Variants in CSMD1 observed in about 807,000 individuals in gnomAD.
CSMD1 encodes the protein CUB and sushi domain-containing protein 1.
CSMD1 carries 213 observed loss-of-function variants against 417.5 expected under a neutral mutation model. The ratio of observed to expected loss-of-function variants is 0.51; its 90% CI spans 0.46 to 0.57. The LOEUF is 0.57. Among genes scored for constraint, CSMD1 ranks in the 20% least tolerant of loss-of-function variants. The pLI is 0.00. For synonymous variants in CSMD1, 2,862 were observed against 1,736.8 expected (o/e 1.65, Z -16.11); for missense variants, 6,923 against 4,529.7 (o/e 1.53, Z -15.17).
chr8:4,287,952 T>A (rs1033191990), intron 3 of CSMD1, among the ~76,000 whole-genome samples: 1 of 152,138 alleles, frequency 6.6e-6, no homozygotes, highest in African/African-American at 2.4e-5. Flanking sequence ...TTTCTCCAGA[T>A]AGCAAATCCC....
At chr8:4,400,528 T>TCTATGC (rs1804574851) in intron 3 of CSMD1, among the ~76,000 whole-genome samples, 1 of 152,246 alleles carries the variant, frequency 6.6e-6, no homozygotes, top group Non-Finnish European at 1.5e-5. Flanking sequence ...AAAATTGCCC[T>TCTATGC]CTATGCCTTT....
chr8:3,483,435 A>T (rs1817853785), intron 11 of CSMD1, among the ~76,000 whole-genome samples: 2 of 152,100 alleles, frequency 1.3e-5, no homozygotes, highest in Non-Finnish European at 2.9e-5. Flanking sequence ...CTCAACCAAG[A>T]TAAAACAGAC....
intron 7 of CSMD1, among the ~76,000 whole-genome samples, chr8:3,655,277 A>G (rs1798044923): frequency 6.6e-6 from 1 of 152,212 alleles, no homozygotes; most frequent in Non-Finnish European, 1.5e-5. Context: ...ACCCATGAAC[A>G]TGAAGGCTAT....
chr8:3,810,779 A>T (rs566083981), intron 5 of CSMD1, among the ~76,000 whole-genome samples: 1 of 152,146 alleles, frequency 6.6e-6, no homozygotes, highest in Non-Finnish European at 1.5e-5. Flanking sequence ...GTGTTGCATC[A>T]CTGGGTCCGG....
At chr8:4,590,021 C>T (rs1257199887) in intron 2 of CSMD1, among the ~76,000 whole-genome samples, 1 of 152,184 alleles carries the variant, frequency 6.6e-6, no homozygotes. Flanking sequence ...GCTCCAAATG[C>T]TTGTCTATGC....
intron 1 of CSMD1, among the ~76,000 whole-genome samples, chr8:4,802,350 CGCGTGTGTGT>C (rs1489104538): frequency 7.2e-6 from 1 of 138,540 alleles, no homozygotes; most frequent in Non-Finnish European, 1.5e-5. Flanking sequence ...AGTGTGTGCG[CGCGTGTGTGT>C]GTGTGTGTGT....
At chr8:3,593,574 T>G (rs543715108) in intron 8 of CSMD1, among the ~76,000 whole-genome samples, 3 of 152,340 alleles carry the variant, frequency 2.0e-5, no homozygotes, top group African/African-American at 7.2e-5. Context: ...GATCTGACTT[T>G]TAACCTGCTT....
intron 3 of CSMD1, among the ~76,000 whole-genome samples, chr8:4,233,077 C>G (rs1224752617): frequency 1.3e-5 from 2 of 152,338 alleles, no homozygotes; most frequent in Non-Finnish European, 1.5e-5. Flanking sequence ...GCTCATTGTT[C>G]TGTGCACTGG....
At position 3,994,010 on chromosome 8, in the gene CSMD1, T is replaced by C. The variant is rs373429082; in HGVS notation, c.818+3893A>G. On this transcript the variant is annotated intron_variant, in intron 5 of 69. Transcript: ENST00000635120. ...CAAACTGCAAGGGGATGGGCGTGCC[T>C]GGCAGGGAGGGAGCCAGGATGGGGC... Among the ~76,000 whole-genome samples the C allele has an allele frequency of 4.7e-4, 71 of 152,202 alleles. 1 individual carries two copies. In the East Asian group the frequency reaches 7.4e-3, roughly 16 times the overall value.
chr8:3,401,893 G>A (rs536882406), intron 15 of CSMD1, among the ~76,000 whole-genome samples: 19 of 150,036 alleles, frequency 1.3e-4, no homozygotes, highest in South Asian at 8.4e-4. Context: ...TCACTTAGCT[G>A]ATAACAAAAA....
rs1184662206 is a variant in CSMD1, at chr8:3,772,434, T to C, written c.819-18392A>G. Among the ~76,000 whole-genome samples, 122 of 77,330 alleles carry C rather than the reference T, an allele frequency of 1.6e-3. 15 individuals carry two copies. Among genetic ancestry groups the C allele is most frequent in the Middle Eastern group, 6.2e-3 (1 of 162 alleles). 50.7% of individuals were successfully genotyped at this position (77,330 alleles called of 152,430 possible). A position where few individuals can be genotyped will look rare whatever the true frequency, so the allele number is the denominator to read the frequency against. On this transcript the variant is annotated intron_variant, in intron 5 of 69. Coordinates refer to ENST00000635120, the MANE Select transcript of CSMD1 (RefSeq NM_033225.6). ...ATATTTATATATACACATATATACA[T>C]ACATTTATATATACACATATATATA...
intron 9 of CSMD1, among the ~76,000 whole-genome samples, chr8:3,579,676 C>G (rs1388348500): frequency 6.6e-6 from 1 of 152,174 alleles, no homozygotes; most frequent in African/African-American, 2.4e-5. Flanking sequence ...CTTAGGTAGT[C>G]AGTAGCTGTC....
In CSMD1 at chr8:3,950,202, C is replaced by T. The variant is rs147246367; in HGVS notation, c.818+47701G>A. ...AGACCCTAGAGGCCACGATCCAATA[C>T]TGACTGTGAAGTTTCTCATCATGCA... On this transcript the variant is annotated intron_variant, in intron 5 of 69. Transcript: ENST00000635120. Among the ~76,000 whole-genome samples the T allele has an allele frequency of 1.3e-3, 192 of 152,294 alleles. 2 individuals are homozygous for T. The highest frequency in any genetic ancestry group is 4.2e-3 in the African/African-American group (175 of 41,574).
At chr8:4,132,364 T>G (rs957274628) in intron 3 of CSMD1, among the ~76,000 whole-genome samples, 6 of 152,182 alleles carry the variant, frequency 3.9e-5, no homozygotes, top group Non-Finnish European at 5.9e-5. Context: ...TCTTGTAGAA[T>G]ACATCTTGAC....
At chr8:4,901,355 T>C (rs546302328) in intron 1 of CSMD1, among the ~76,000 whole-genome samples, 2 of 152,342 alleles carry the variant, frequency 1.3e-5, no homozygotes, top group South Asian at 2.1e-4. Flanking sequence ...ATTAGAAGTG[T>C]AGTTATCTAT....
At chr8:4,425,623 G>A (rs146499088) in intron 2 of CSMD1, among the ~76,000 whole-genome samples, 338 of 152,144 alleles carry the variant, frequency 2.2e-3, no homozygotes, top group African/African-American at 7.3e-3. Context: ...TTCCATGAGG[G>A]CCCTTGCGAT....
In CSMD1 at chr8:4,143,822, G is replaced by C. The variant is rs80181859; in HGVS notation, c.416-111723C>G. ...AGCTGTTCCAGGGCCTAGTTACACAGTTTTCTGGGATTTAAGTACTTATTT... is the reference window on the plus strand; with the variant it reads ...AGCTGTTCCAGGGCCTAGTTACACACTTTTCTGGGATTTAAGTACTTATTT... On this transcript the variant is annotated intron_variant, in intron 3 of 69. Transcript: ENST00000635120. Among the ~76,000 whole-genome samples, 2 of 151,228 alleles carry C rather than the reference G, an allele frequency of 1.3e-5. 1 individual carries two copies. Among genetic ancestry groups the C allele is most frequent in the African/African-American group, 4.9e-5 (2 of 40,546 alleles).
chr8:4,295,508 C>G (rs1234241696), intron 3 of CSMD1, among the ~76,000 whole-genome samples: 1 of 143,336 alleles, frequency 7.0e-6, no homozygotes, highest in Non-Finnish European at 1.5e-5. Context: ...ATCTTATACA[C>G]ATATAATCTT....
chr8:3,704,475 A>C (rs1397489436), intron 7 of CSMD1, among the ~76,000 whole-genome samples: 3 of 152,196 alleles, frequency 2.0e-5, no homozygotes, highest in Non-Finnish European at 2.9e-5. Context: ...ACAACAACAT[A>C]AATAAGGGGT....
Sources: gnomAD v4.1 joint callset for allele counts (sites outside exome capture counted in the v4.1 genomes callset) on GRCh38, gnomAD v4.1.1 for gene constraint, MANE v1.5 for transcripts, NCBI Gene and HGNC (gene_info 2026-07-23, HGNC 2026-07-21) for gene names.